The following PTPRD variants were observed in gnomAD, a reference collection of about 807,000 sequenced individuals.
The protein encoded by PTPRD is receptor-type tyrosine-protein phosphatase delta.
Under a neutral mutation model 214.5 loss-of-function variants are expected in PTPRD, and 34 were observed. The observed-to-expected ratio is 0.16, with a 90% CI of 0.12 to 0.21. The LOEUF (loss-of-function observed/expected upper bound fraction) is 0.21. Among genes scored for constraint, PTPRD ranks in the 10% least tolerant of loss-of-function variants. The probability of loss-of-function intolerance (pLI) is 1.00; values close to 1 mark genes in which losing one functional copy is unlikely to be tolerated. For synonymous variants in PTPRD, 1,128 were observed against 845.7 expected (o/e 1.33, Z -5.79); for missense variants, 2,545 against 2,398.7 (o/e 1.06, Z -1.27).
intron 3 of PTPRD, among the ~76,000 whole-genome samples, chr9:10,272,167 C>T (rs1170203700): frequency 6.6e-6 from 1 of 152,066 alleles, no homozygotes. Flanking sequence ...ATCTACTGGC[C>T]TATTTTGGAT....
chr9:8,643,154 G>C lies in PTPRD; in HGVS notation c.65-6310C>G, dbSNP rs77270427. Among the ~76,000 whole-genome samples, 752 of 152,212 alleles carry C rather than the reference G, an allele frequency of 4.9e-3. 18 individuals are homozygous for C. In the East Asian group the frequency reaches 0.056, roughly 11 times the overall value. ...ATACAGCTCCCAAAACCACCTGTTA[G>C]TTTTAAAATTTGATTTAAGAAGCAT... On this transcript the variant is annotated intron_variant, in intron 12 of 45. Transcript: ENST00000381196.
chr9:9,443,797 C>G (rs2089298225), intron 8 of PTPRD, among the ~76,000 whole-genome samples: 1 of 152,104 alleles, frequency 6.6e-6, no homozygotes, highest in Non-Finnish European at 1.5e-5. Flanking sequence ...CTCTGGAGGT[C>G]CTGGTCCTCA....
At chr9:10,111,302 G>C (rs1337199167) in intron 3 of PTPRD, among the ~76,000 whole-genome samples, 2 of 130,466 alleles carry the variant, frequency 1.5e-5, no homozygotes, top group Admixed American at 9.1e-5. Flanking sequence ...GCAGTGGCGG[G>C]ATCTCGGCTC....
chr9:8,840,624 T>C (rs1385011015), intron 11 of PTPRD, among the ~76,000 whole-genome samples: 1 of 152,232 alleles, frequency 6.6e-6, no homozygotes, highest in East Asian at 1.9e-4. Context: ...GGATGATTTA[T>C]ATTTCTATGC....
At chr9:9,183,264 C>T (rs545100926) in intron 10 of PTPRD, 40 bp downstream of exon 10, 4 of 151,844 alleles carry the variant, frequency 2.6e-5, no homozygotes, top group African/African-American at 9.6e-5. Flanking sequence ...GTATTAGGAC[C>T]CAGAGAAGGG....
intron 2 of PTPRD, among the ~76,000 whole-genome samples, chr9:10,411,586 T>G (rs575026036): frequency 6.6e-6 from 1 of 151,864 alleles, no homozygotes; most frequent in African/African-American, 2.4e-5. Context: ...CCCCTTGAAT[T>G]AGACTTACTT....
chr9:10,225,946 ACCTTATGCCAG>A (rs1489764906), intron 3 of PTPRD, among the ~76,000 whole-genome samples: 1 of 152,024 alleles, frequency 6.6e-6, no homozygotes, highest in Non-Finnish European at 1.5e-5. Context: ...AACTTATTTT[ACCTTATGCCAG>A]ACCTTATGCT....
chr9:10,388,036 C>G (rs971552199), intron 2 of PTPRD, among the ~76,000 whole-genome samples: 1 of 151,460 alleles, frequency 6.6e-6, no homozygotes, highest in Non-Finnish European at 1.5e-5. Flanking sequence ...TTCACTGATT[C>G]ATTCCTTCAG....
chr9:9,738,039 G>C (rs2098330998), intron 6 of PTPRD, among the ~76,000 whole-genome samples: 2 of 151,938 alleles, frequency 1.3e-5, no homozygotes, highest in African/African-American at 4.8e-5. Context: ...ACTCATAGTT[G>C]GGAATTGAAC....
At position 9,367,351 on chromosome 9, in the gene PTPRD, T is replaced by C. The variant is rs138568440; in HGVS notation, c.-203+30098A>G. ...ATTTTACAGTAAATAAAAGGAAAAA[T>C]ATACATATTTTGAAAAATGTAAAAT... On this transcript the variant is annotated intron_variant, in intron 9 of 45. Coordinates refer to ENST00000381196, the MANE Select transcript of PTPRD (RefSeq NM_002839.4). Among the ~76,000 whole-genome samples, 137 of 151,546 alleles carry C rather than the reference T, an allele frequency of 9.0e-4. 4 individuals carry two copies. The East Asian group carries it at 0.017, about 19-fold the overall frequency.
At chr9:8,489,462 G>C (rs1359120305) in intron 27 of PTPRD, among the ~76,000 whole-genome samples, 1 of 152,140 alleles carries the variant, frequency 6.6e-6, no homozygotes, top group Non-Finnish European at 1.5e-5. Flanking sequence ...TACTAAGCCT[G>C]AAAACTATGA....
intron 3 of PTPRD, among the ~76,000 whole-genome samples, chr9:10,087,139 T>TG (rs1458462555): frequency 3.7e-5 from 3 of 81,104 alleles, no homozygotes; most frequent in African/African-American, 8.2e-5. Flanking sequence ...GTTTTAGAGT[T>TG]TTTTTTTTTT....
intron 7 of PTPRD, among the ~76,000 whole-genome samples, chr9:9,597,383 G>C (rs2093431935): frequency 6.6e-6 from 1 of 151,980 alleles, no homozygotes. Flanking sequence ...CAAGTCATGG[G>C]AACTGGCTTA....
intron 9 of PTPRD, among the ~76,000 whole-genome samples, chr9:9,377,347 G>A (rs2061060932): frequency 6.6e-6 from 1 of 152,024 alleles, no homozygotes; most frequent in Non-Finnish European, 1.5e-5. Flanking sequence ...CCACAAATAA[G>A]ATGTTTTCCT....
intron 9 of PTPRD, among the ~76,000 whole-genome samples, chr9:9,272,754 A>G (rs1048756763): frequency 6.6e-6 from 1 of 151,030 alleles, no homozygotes; most frequent in South Asian, 2.1e-4. Flanking sequence ...TTCTTTCCCT[A>G]CCTGCCACTT....
chr9:9,715,633 G>C (rs558236044), intron 7 of PTPRD, among the ~76,000 whole-genome samples: 105 of 152,154 alleles, frequency 6.9e-4, no homozygotes, highest in African/African-American at 2.4e-3. Flanking sequence ...ATAGAATCTA[G>C]ATAGAGATAC....
chr9:10,396,878 T>A (rs973133320), intron 2 of PTPRD, among the ~76,000 whole-genome samples: 5 of 151,968 alleles, frequency 3.3e-5, no homozygotes, highest in Non-Finnish European at 7.4e-5. Context: ...TGAACAAAAT[T>A]ACATAGCTAA....
intron 8 of PTPRD, among the ~76,000 whole-genome samples, chr9:9,560,028 G>A (rs2082507607): frequency 6.6e-6 from 1 of 152,134 alleles, no homozygotes; most frequent in Non-Finnish European, 1.5e-5. Context: ...CCTCAAGTCG[G>A]GCTTCTCGGC....
intron 39 of PTPRD, 43 bp downstream of exon 39, chr9:8,375,893 T>C (rs1436140573): frequency 6.3e-7 from 1 of 1,586,528 alleles, no homozygotes; most frequent in Admixed American, 1.8e-5. Context: ...AGAGTCAATT[T>C]AGCTTTCTGT....
Sources: allele counts gnomAD v4.1 joint callset (sites outside exome capture counted in the v4.1 genomes callset), GRCh38; gene constraint gnomAD v4.1.1; transcripts MANE v1.5; gene names NCBI Gene and HGNC (gene_info 2026-07-23, HGNC 2026-07-21).